The following SLC38A6 variants were observed in gnomAD, a reference collection of about 807,000 sequenced individuals.
SLC38A6 encodes the protein solute carrier family 38 member 6, also known as N system amino acid transporter NAT-1.
A neutral mutation model predicts 65.0 loss-of-function variants in SLC38A6; 73 were observed. The ratio of observed to expected loss-of-function variants is 1.12; its 90% CI spans 0.93 to 1.37. The LOEUF is 1.37. Among genes scored for constraint, SLC38A6 ranks in the 40% most tolerant of loss-of-function variants. SLC38A6 has a pLI of 0.00. For missense variants in SLC38A6, 561 were observed against 531.1 expected, an observed-to-expected ratio of 1.06 and a Z score of -0.55; for synonymous variants, 183 against 178.8, an observed-to-expected ratio of 1.02 and a Z score of -0.19.
At chr14:61,014,161 T>G (rs1365551048) in intron 3 of SLC38A6, among the ~76,000 whole-genome samples, 1 of 152,224 alleles carries the variant, frequency 6.6e-6, no homozygotes, top group Non-Finnish European at 1.5e-5. Context: ...TAGCCTTTCT[T>G]CCAGTTGATT....
intron 15 of SLC38A6, among the ~76,000 whole-genome samples, chr14:61,072,204 GCA>G (rs1214221367): frequency 1.3e-5 from 2 of 151,962 alleles, no homozygotes; most frequent in African/African-American, 4.8e-5. Context: ...GCTTCCAAAG[GCA>G]CTTTTATTTT....
chr14:60,984,719 TTA>T lies in SLC38A6; in HGVS notation c.237-9_237-8del, dbSNP rs1566603363. On this transcript the variant is annotated splice_polypyrimidine_tract_variant and intron_variant, in intron 2 of 15. Coordinates refer to ENST00000267488, the MANE Select transcript of SLC38A6 (RefSeq NM_153811.3). ...TGGGAGGTTTTGACCAGGTGTTCTT[TTA>T]TGTTTTAGCTTCTTGCTGCTGACAG... 1 of 1,613,888 alleles carries T rather than the reference TTA, an allele frequency of 6.2e-7. No individual in the cohort carries two copies.
chr14:61,063,623 C>T (rs1227225661), intron 15 of SLC38A6, among the ~76,000 whole-genome samples: 1 of 152,166 alleles, frequency 6.6e-6, no homozygotes, highest in Non-Finnish European at 1.5e-5. Context: ...TATGGAAATA[C>T]ACTCTTTTGC....
At chr14:61,028,152 A>G (rs1327816285) in intron 5 of SLC38A6, among the ~76,000 whole-genome samples, 1 of 152,114 alleles carries the variant, frequency 6.6e-6, no homozygotes, top group African/African-American at 2.4e-5. Flanking sequence ...CAGATATTAT[A>G]TTAGAAAGAA....
At chr14:61,046,194 A>G (rs1266247665) in intron 12 of SLC38A6, 27 bp downstream of exon 12, 1 of 1,418,710 alleles carries the variant, frequency 7.0e-7, no homozygotes, top group South Asian at 1.2e-5. Context: ...ATTATAGATG[A>G]CAAAATAATA....
At chr14:61,035,777 T>G (rs2041316179) in intron 6 of SLC38A6, among the ~76,000 whole-genome samples, 1 of 152,220 alleles carries the variant, frequency 6.6e-6, no homozygotes, top group African/African-American at 2.4e-5. Flanking sequence ...GAATTGTTTC[T>G]CCTTTGCATA....
At chr14:61,019,720 CTT>C (rs74538166) in intron 5 of SLC38A6, 140 bp downstream of exon 5, 448 of 606,268 alleles carry the variant, frequency 7.4e-4, no homozygotes, top group East Asian at 2.8e-3. Flanking sequence ...CCTCTTTACT[CTT>C]TTTTTTTTTG....
chr14:61,013,328 C>G (rs993974230), intron 3 of SLC38A6, among the ~76,000 whole-genome samples: 8 of 152,132 alleles, frequency 5.3e-5, no homozygotes, highest in Non-Finnish European at 8.8e-5. Flanking sequence ...TGGGTCTTGA[C>G]TCTTTATCCA....
Position 60,981,334 on chromosome 14 carries a change from G to A in SLC38A6, c.57G>A (p.Gln19=), listed in dbSNP as rs1388335447. 9 of 1,610,762 alleles carry A rather than the reference G, an allele frequency of 5.6e-6. No homozygotes were observed. In the African/African-American group the frequency reaches 1.2e-4, roughly 21 times the overall value. ...AGCGGGGCTGGTATGTCTCTGTCCA[G>A]CAGCCTGAAGAAGCGGAGGCCGAAG... ...NAERGWYVSV[Q]QPEEAEAEEL... is the part of the protein sequence containing the mutation. The change falls in exon 1 of 16, where the codon CAG becomes CAA. Residue 19 remains glutamine (Q), a synonymous_variant. Coordinates refer to ENST00000267488, the MANE Select transcript of SLC38A6 (RefSeq NM_153811.3).
At chr14:60,998,264 G>A (rs2038433736) in intron 3 of SLC38A6, among the ~76,000 whole-genome samples, 1 of 151,740 alleles carries the variant, frequency 6.6e-6, no homozygotes, top group African/African-American at 2.4e-5. Context: ...ATGTCCAAAT[G>A]TTGCCTTCTG....
intron 8 of SLC38A6, among the ~76,000 whole-genome samples, chr14:61,040,056 T>C (rs1471059424): frequency 6.6e-6 from 1 of 152,144 alleles, no homozygotes. Flanking sequence ...AAATTTACTT[T>C]TTTTTTGGTG....
At chr14:61,070,107 C>T (rs747755582) in intron 15 of SLC38A6, among the ~76,000 whole-genome samples, 3 of 152,130 alleles carry the variant, frequency 2.0e-5, no homozygotes, top group Non-Finnish European at 2.9e-5. Flanking sequence ...TGTAAGTGTA[C>T]GATATAGTGT....
At chr14:61,037,213 T>A in intron 7 of SLC38A6, 72 bp downstream of exon 7, 1 of 1,128,842 alleles carries the variant, frequency 8.9e-7, no homozygotes, top group Non-Finnish European at 1.3e-6. Context: ...GAGACAAATA[T>A]TAAGGGGCTT....
chr14:61,069,867 T>C (rs1355876341), intron 15 of SLC38A6, among the ~76,000 whole-genome samples: 2 of 152,166 alleles, frequency 1.3e-5, no homozygotes, highest in African/African-American at 4.8e-5. Context: ...GCAACCACTT[T>C]TACAACTTTC....
At position 61,051,825 on chromosome 14, in the gene SLC38A6, T is replaced by C. The variant is rs2042520751; in HGVS notation, c.1089T>C (p.Phe363=). 6.2e-7 allele frequency: 1 copy of C among 1,612,604 alleles called. No individual in the cohort carries two copies. The highest frequency in any genetic ancestry group is 8.5e-7 in the Non-Finnish European group (1 of 1,179,412). Residue 363 remains phenylalanine, a synonymous_variant, in exon 14 of 16, where the codon TTT becomes TTC. Transcript: ENST00000267488. The part of the protein sequence containing the change: ...KAVTMMFFSN[F]PFSWIRHFLI... ...TAACAATGATGTTTTTCTCCAATTT[T>C]CCATTCTCATGGATTCGCCATTTTT...
chr14:60,985,216 G>C (rs865946950), intron 3 of SLC38A6, among the ~76,000 whole-genome samples: 2 of 152,164 alleles, frequency 1.3e-5, no homozygotes, highest in South Asian at 4.1e-4. Flanking sequence ...GCAGAATTAG[G>C]ATTGTAGGAA....
intron 3 of SLC38A6, among the ~76,000 whole-genome samples, chr14:60,991,619 C>T (rs1386824592): frequency 1.5e-4 from 23 of 152,170 alleles, no homozygotes; most frequent in Non-Finnish European, 1.5e-5. Flanking sequence ...GCTTTCTGTG[C>T]TCTTCTTGGA....
chr14:60,986,750 T>C (rs1415313008), intron 3 of SLC38A6, among the ~76,000 whole-genome samples: 1 of 152,272 alleles, frequency 6.6e-6, no homozygotes, highest in Non-Finnish European at 1.5e-5. Flanking sequence ...CTTGGTAGAT[T>C]CTTTCAATTC....
intron 8 of SLC38A6, among the ~76,000 whole-genome samples, chr14:61,041,007 A>G (rs1275763872): frequency 6.6e-6 from 1 of 152,216 alleles, no homozygotes; most frequent in African/African-American, 2.4e-5. Context: ...AGTTGAGAGG[A>G]GAGAAGGCTC....
Sources: allele counts gnomAD v4.1 joint callset (sites outside exome capture counted in the v4.1 genomes callset), GRCh38; gene constraint gnomAD v4.1.1; transcripts MANE v1.5; gene names NCBI Gene and HGNC (gene_info 2026-07-23, HGNC 2026-07-21).